Variants in ZNRF1 observed in about 807,000 individuals in gnomAD.
The protein encoded by ZNRF1 is zinc and ring finger 1.
ZNRF1 carries 3 observed loss-of-function variants against 18.4 expected under a neutral mutation model. The observed-to-expected ratio is 0.16, with a 90% CI of 0.07 to 0.42. ZNRF1 has a LOEUF of 0.42. Ranked by LOEUF, ZNRF1 falls within the 10% of genes least tolerant of loss-of-function variation. ZNRF1 has a pLI of 0.99. For missense variants in ZNRF1, 310 were observed against 329.8 expected (o/e 0.94, Z 0.47); for synonymous variants, 157 against 144.2 (o/e 1.09, Z -0.64).
At chr16:75,097,382 C>G (rs1274196025) in intron 2 of ZNRF1, among the ~76,000 whole-genome samples, 1 of 152,026 alleles carries the variant, frequency 6.6e-6, no homozygotes, top group Non-Finnish European at 1.5e-5. Context: ...GCCAGCAGCA[C>G]CAAGGAGAGC....
intron 1 of ZNRF1, among the ~76,000 whole-genome samples, chr16:75,069,364 C>T (rs921854435): frequency 1.3e-5 from 2 of 152,140 alleles, no homozygotes; most frequent in African/African-American, 4.8e-5. Context: ...AAATGGTTTC[C>T]CCTCAGGCTT....
chr16:75,022,360 G>A (rs544674945), intron 1 of ZNRF1, among the ~76,000 whole-genome samples: 4 of 152,002 alleles, frequency 2.6e-5, no homozygotes, highest in Admixed American at 2.0e-4. Context: ...TCAGGAGATC[G>A]AGACCATCCT....
chr16:75,091,600 A>G (rs1302523646), intron 1 of ZNRF1, among the ~76,000 whole-genome samples: 2 of 149,310 alleles, frequency 1.3e-5, no homozygotes, highest in African/African-American at 4.9e-5. Flanking sequence ...TGGCACAAAC[A>G]TGGCTCACTG....
At chr16:75,088,418 C>G (rs748246270) in intron 1 of ZNRF1, among the ~76,000 whole-genome samples, 104 of 152,204 alleles carry the variant, frequency 6.8e-4, no homozygotes, top group Non-Finnish European at 1.4e-3. Flanking sequence ...GAAAGCAGAA[C>G]TCCAGATAGT....
intron 1 of ZNRF1, among the ~76,000 whole-genome samples, chr16:75,026,757 G>A (rs112327502): frequency 2.6e-5 from 4 of 151,910 alleles, no homozygotes; most frequent in African/African-American, 9.7e-5. Context: ...CCAACGTGGT[G>A]AAACCCCGTC....
At chr16:75,035,649 C>T (rs1045450899) in intron 1 of ZNRF1, among the ~76,000 whole-genome samples, 2 of 152,148 alleles carry the variant, frequency 1.3e-5, no homozygotes, top group African/African-American at 2.4e-5. Context: ...ATCAAATGCA[C>T]GGTTTGACCC....
intron 1 of ZNRF1, among the ~76,000 whole-genome samples, chr16:75,005,731 TA>T (rs1359717170): frequency 1.3e-5 from 2 of 152,142 alleles, no homozygotes; most frequent in African/African-American, 4.8e-5. Flanking sequence ...TCGACAGCAG[TA>T]ACTAATAATA....
At chr16:75,074,657 C>T (rs758199009) in intron 1 of ZNRF1, among the ~76,000 whole-genome samples, 23 of 152,232 alleles carry the variant, frequency 1.5e-4, no homozygotes, top group Middle Eastern at 3.4e-3. Flanking sequence ...GACATGGACA[C>T]CTCAGGGGAA....
At chr16:75,029,070 A>G (rs531825995) in intron 1 of ZNRF1, among the ~76,000 whole-genome samples, 10 of 84,570 alleles carry the variant, frequency 1.2e-4, no homozygotes, top group East Asian at 1.1e-3. Flanking sequence ...CTTGACTGCA[A>G]TCTTGACCTT....
chr16:75,017,202 C>A (rs2035084163), intron 1 of ZNRF1, among the ~76,000 whole-genome samples: 1 of 152,052 alleles, frequency 6.6e-6, no homozygotes, highest in Non-Finnish European at 1.5e-5. Context: ...TTTGTGCTTC[C>A]AGATAAATTT....
chr16:75,090,227 A>G (rs1435721499), intron 1 of ZNRF1, among the ~76,000 whole-genome samples: 2 of 152,016 alleles, frequency 1.3e-5, no homozygotes, highest in Non-Finnish European at 2.9e-5. Flanking sequence ...TTTACACCTC[A>G]CCTCCCCATC....
intron 1 of ZNRF1, among the ~76,000 whole-genome samples, chr16:75,014,850 A>T (rs945122415): frequency 1.3e-5 from 2 of 152,038 alleles, no homozygotes; most frequent in African/African-American, 4.8e-5. Flanking sequence ...TATAAATAGT[A>T]TAATATTGTG....
At chr16:75,064,843 A>G (rs1036880314) in intron 1 of ZNRF1, among the ~76,000 whole-genome samples, 4 of 152,210 alleles carry the variant, frequency 2.6e-5, no homozygotes, top group Non-Finnish European at 5.9e-5. Context: ...AAAGCCAGAG[A>G]GAGCTTTTCG....
chr16:75,096,059 CACGTGTGT>C (rs1461493133), intron 2 of ZNRF1, among the ~76,000 whole-genome samples: 1,763 of 61,820 alleles, frequency 0.029, 33 homozygotes, highest in African/African-American at 0.073. Context: ...TGTATGTGTG[CACGTGTGT>C]GTGTGTGTGT....
intron 1 of ZNRF1, among the ~76,000 whole-genome samples, chr16:75,015,445 C>T (rs1343923980): frequency 6.6e-6 from 1 of 152,140 alleles, no homozygotes; most frequent in Non-Finnish European, 1.5e-5. Context: ...CGTGGTGGCA[C>T]ATGCTTGTAA....
At chr16:75,075,512 G>A (rs2035928661) in intron 1 of ZNRF1, among the ~76,000 whole-genome samples, 1 of 152,212 alleles carries the variant, frequency 6.6e-6, no homozygotes, top group Admixed American at 6.5e-5. Flanking sequence ...GCCTCTGCTG[G>A]GAATGGACTC....
chr16:75,001,769 T>C (rs935417289), intron 1 of ZNRF1, among the ~76,000 whole-genome samples: 3 of 152,198 alleles, frequency 2.0e-5, no homozygotes, highest in Admixed American at 6.5e-5. Flanking sequence ...TGCTAAAATT[T>C]CTTAAGCCTC....
intron 1 of ZNRF1, among the ~76,000 whole-genome samples, chr16:75,073,715 A>C (rs2035902949): frequency 6.6e-6 from 1 of 151,996 alleles, no homozygotes; most frequent in Non-Finnish European, 1.5e-5. Context: ...AGTATTCATC[A>C]TGTACATGCT....
chr16:75,087,389 C>T (rs376773737), intron 1 of ZNRF1, among the ~76,000 whole-genome samples: 1 of 152,228 alleles, frequency 6.6e-6, no homozygotes, highest in Non-Finnish European at 1.5e-5. Flanking sequence ...CTCTCTGGTA[C>T]AGCCAACCAA....
Sources: allele counts gnomAD v4.1 joint callset (sites outside exome capture counted in the v4.1 genomes callset), GRCh38; gene constraint gnomAD v4.1.1; transcripts MANE v1.5; gene names NCBI Gene and HGNC (gene_info 2026-07-23, HGNC 2026-07-21).